Variants in PCDHA13 observed in about 807,000 individuals in gnomAD.
The protein encoded by PCDHA13 is protocadherin alpha 13.
A neutral mutation model predicts 64.8 loss-of-function variants in PCDHA13; 54 were observed. The ratio of observed to expected loss-of-function variants is 0.83; its 90% confidence interval spans 0.67 to 1.04. PCDHA13 has a LOEUF of 1.04. Ranked by LOEUF, PCDHA13 falls within the 50% of genes least tolerant of loss-of-function variation. The pLI is 0.00. For missense variants in PCDHA13, 1,248 were observed against 1,254.3 expected, an observed-to-expected ratio of 0.99 and a Z score of 0.08; for synonymous variants, 587 against 564.4, an observed-to-expected ratio of 1.04 and a Z score of -0.57.
At chr5:140,969,210 C>G in intron 1 of PCDHA13, 1 of 1,614,184 alleles carries the variant, frequency 6.2e-7, no homozygotes, top group Non-Finnish European at 8.5e-7. Context: ...GGGGCCCAGA[C>G]AGGACCAGGG....
At position 141,010,386 on chromosome 5, in the gene PCDHA13, T is replaced by C; in HGVS notation, c.*449T>C. On this transcript the variant is annotated 3_prime_UTR_variant, in exon 4 of 4. Coordinates refer to ENST00000289272, the MANE Select transcript of PCDHA13 (RefSeq NM_018904.3). ...GGGTATGCGAGTGCCAGATATTGGCTGAGACGAGCCAGCTTAGACTAATTG... is the reference window on the plus strand; with the variant it reads ...GGGTATGCGAGTGCCAGATATTGGCCGAGACGAGCCAGCTTAGACTAATTG... The C allele has an allele frequency of 7.1e-7, 1 of 1,413,970 alleles. No homozygotes were observed. The highest frequency in any genetic ancestry group is 9.4e-7 in the Non-Finnish European group (1 of 1,063,616). 87.6% of individuals were successfully genotyped at this position (1,413,970 alleles called of 1,614,324 possible). A position where few individuals can be genotyped will look rare whatever the true frequency, so the allele number is the denominator to read the frequency against.
chr5:140,953,528 C>T (rs2094898852), intron 1 of PCDHA13, among the ~76,000 whole-genome samples: 1 of 152,112 alleles, frequency 6.6e-6, no homozygotes, highest in Non-Finnish European at 1.5e-5. Context: ...AAACGGGAAA[C>T]TCACTTCATG....
At chr5:140,972,871 C>G (rs1436283252) in intron 1 of PCDHA13, among the ~76,000 whole-genome samples, 1 of 152,030 alleles carries the variant, frequency 6.6e-6, no homozygotes, top group Non-Finnish European at 1.5e-5. Flanking sequence ...ATCATGTTGT[C>G]CAGGATGGTC....
intron 1 of PCDHA13, among the ~76,000 whole-genome samples, chr5:140,909,754 G>T (rs2074670000): frequency 6.6e-6 from 1 of 152,100 alleles, no homozygotes; most frequent in Non-Finnish European, 1.5e-5. Context: ...AATGACCACA[G>T]GATGAGTCCA....
intron 3 of PCDHA13, among the ~76,000 whole-genome samples, chr5:140,992,707 C>T (rs1554253127): frequency 1.3e-5 from 2 of 152,056 alleles, no homozygotes; most frequent in Admixed American, 1.3e-4. Flanking sequence ...AATGTTCCTG[C>T]CAGTATTCGT....
At chr5:140,912,410 T>C (rs2075912290) in intron 1 of PCDHA13, among the ~76,000 whole-genome samples, 1 of 152,090 alleles carries the variant, frequency 6.6e-6, no homozygotes, top group Non-Finnish European at 1.5e-5. Context: ...AGCTTGGTTA[T>C]TATTGGTGTA....
Position 141,010,492 on chromosome 5 carries a change from C to T in PCDHA13, c.*555C>T. 8.0e-6 allele frequency: 5 copies of T among 628,626 alleles called. No homozygotes were observed. 38.9% of individuals were successfully genotyped at this position (628,626 alleles called of 1,614,324 possible). On this transcript the variant is annotated 3_prime_UTR_variant, in exon 4 of 4. Coordinates refer to ENST00000289272, the MANE Select transcript of PCDHA13 (RefSeq NM_018904.3). ...AGGGGAAGTGTAAACTTAAAGGGAC[C>T]AGACTTTCTAAATCTTACAACTCAA... is the stretch of plus-strand genomic sequence containing the variant.
chr5:140,929,226 C>T (rs782065898), intron 1 of PCDHA13: 14 of 1,613,766 alleles, frequency 8.7e-6, no homozygotes, highest in African/African-American at 5.3e-5. Flanking sequence ...ACAATGCTGC[C>T]GACCTGCGAA....
intron 1 of PCDHA13, among the ~76,000 whole-genome samples, chr5:140,945,947 A>C (rs2093865061): frequency 6.6e-6 from 1 of 152,132 alleles, no homozygotes; most frequent in Non-Finnish European, 1.5e-5. Flanking sequence ...TTTTTATATG[A>C]CCCTGAAAGC....
chr5:140,997,668 T>TGTGTG (rs2097778571), intron 3 of PCDHA13, among the ~76,000 whole-genome samples: 1 of 148,244 alleles, frequency 6.7e-6, no homozygotes, highest in African/African-American at 2.5e-5. Flanking sequence ...ATTATACAGC[T>TGTGTG]TGTGTGTGTG....
rs782384832 is a variant in PCDHA13 at position 140,883,347 on chromosome 5, G to A, written c.1079G>A (p.Arg360Lys). 3.7e-6 allele frequency: 6 copies of A among 1,614,046 alleles called. No homozygotes were observed. Among genetic ancestry groups the A allele is most frequent in the African/African-American group, 1.3e-5 (1 of 74,914 alleles). ...ATCACTTCTTTGTCACTCCCCATCA[G>A]AGAAGACACTCAGCCTAGCGCCATT... is the stretch of plus-strand genomic sequence containing the variant. ...VTITSLSLPI[R>K]EDTQPSAIIA... The change falls in exon 1 of 4, where the codon AGA (arginine) becomes AAA (lysine). Residue 360 changes from arginine to lysine, a missense_variant. Physicochemically the swap from Arg to Lys is conservative, Grantham distance 26 (BLOSUM62 2). Transcript: ENST00000289272.
chr5:140,928,132 C>T (rs1563101702), intron 1 of PCDHA13: 1 of 1,614,100 alleles, frequency 6.2e-7, no homozygotes, highest in Non-Finnish European at 8.5e-7. Flanking sequence ...ATACCAAGTC[C>T]TGATCACGGC....
chr5:140,905,427 A>G lies in PCDHA13; in HGVS notation c.2394+20765A>G, dbSNP rs185931856. 5.3e-5 allele frequency among the ~76,000 whole-genome samples: 8 copies of G among 152,298 alleles called. No homozygotes were observed. The East Asian group carries it at 1.5e-3, about 29-fold the overall frequency. ...TTTATACCAGTACCATGCTGGTTTG[A>G]TAACTACAGCCTTTTAGTATAATTT... On this transcript the variant is annotated intron_variant, in intron 1 of 3. Transcript: ENST00000289272.
At position 140,884,141 on chromosome 5, in the gene PCDHA13, G is replaced by C; in HGVS notation, c.1873G>C (p.Gly625Arg). 6.2e-7 allele frequency: 1 copy of C among 1,613,422 alleles called. No homozygotes were observed. The highest frequency in any genetic ancestry group is 1.1e-5 in the South Asian group (1 of 91,060). Residue 625 changes from glycine to arginine, a missense_variant, in exon 1 of 4, where the codon GGG becomes CGG. Transcript: ENST00000289272. ...AVGARIPFRV[G>R]LYTGEISTTR... is the part of the protein sequence containing the mutation. ...CGGCGCGCGCATCCCGTTCCGCGTG[G>C]GGCTGTACACTGGCGAGATCAGCAC...
At chr5:140,921,998 A>G (rs1247902071) in intron 1 of PCDHA13, among the ~76,000 whole-genome samples, 3 of 152,206 alleles carry the variant, frequency 2.0e-5, no homozygotes, top group African/African-American at 7.2e-5. Flanking sequence ...AGTTCAATGA[A>G]ATGATTAGTT....
Position 141,010,119 on chromosome 5 carries a change from A to G in PCDHA13, c.*182A>G. 6.2e-7 allele frequency: 1 copy of G among 1,608,062 alleles called. No homozygotes were observed. On this transcript the variant is annotated 3_prime_UTR_variant, in exon 4 of 4. Transcript: ENST00000289272. ...TAACAGGTTTTGTCGTAAAAGCTTT[A>G]CTAAGTCTGGTGTTAACTCTTTCTC...
At chr5:140,979,826 G>A (rs1338756237) in intron 2 of PCDHA13, among the ~76,000 whole-genome samples, 1 of 152,184 alleles carries the variant, frequency 6.6e-6, no homozygotes, top group East Asian at 1.9e-4. Context: ...TAATTTTAAA[G>A]AAGAAATAAT....
intron 1 of PCDHA13, among the ~76,000 whole-genome samples, chr5:140,906,601 A>G (rs1337843589): frequency 6.6e-6 from 1 of 152,156 alleles, no homozygotes; most frequent in Non-Finnish European, 1.5e-5. Flanking sequence ...TCTACTACTC[A>G]TTCTGTATTC....
chr5:140,949,764 G>A (rs1168507534), intron 1 of PCDHA13, among the ~76,000 whole-genome samples: 2 of 151,746 alleles, frequency 1.3e-5, no homozygotes, highest in African/African-American at 2.4e-5. Flanking sequence ...TCACATTAGT[G>A]TAATATTTGA....
Sources: allele counts gnomAD v4.1 joint callset (sites outside exome capture counted in the v4.1 genomes callset), GRCh38; gene constraint gnomAD v4.1.1; transcripts MANE v1.5; gene names NCBI Gene and HGNC (gene_info 2026-07-23, HGNC 2026-07-21).